The following HDC variants were observed in gnomAD, a reference collection of about 807,000 sequenced individuals.
HDC encodes histidine decarboxylase.
HDC carries 27 observed loss-of-function variants against 64.4 expected under a neutral mutation model. That is an observed-to-expected ratio of 0.42 (90% CI 0.31 to 0.58). HDC has a LOEUF of 0.58. HDC is among the 20% of genes least tolerant of loss of function. The pLI is 0.16. For missense variants in HDC, 711 were observed against 833.9 expected, an observed-to-expected ratio of 0.85 and a Z score of 1.81; for synonymous variants, 305 against 314.2, an observed-to-expected ratio of 0.97 and a Z score of 0.31.
intron 9 of HDC, among the ~76,000 whole-genome samples, chr15:50,250,065 A>G (rs2045534566): frequency 6.6e-6 from 1 of 152,132 alleles, no homozygotes. Flanking sequence ...CGCTCCCTCC[A>G]CTGGTGCTCT....
In HDC at chr15:50,242,132, G is replaced by C; in HGVS notation, c.*128C>G. On this transcript the variant is annotated 3_prime_UTR_variant, in exon 12 of 12. Transcript: ENST00000267845. Reference sequence around the variant, plus strand: ...GGGTCATGAACCCCTATGAGAATTTGATTAAAATTATGAACTCGCCCCAAG... The same window carrying C: ...GGGTCATGAACCCCTATGAGAATTTCATTAAAATTATGAACTCGCCCCAAG... 2 of 826,580 alleles carry C rather than the reference G, an allele frequency of 2.4e-6. No individual in the cohort carries two copies. Among genetic ancestry groups the C allele is most frequent in the South Asian group, 1.4e-5 (1 of 71,330 alleles). The allele number at this position is 826,580 out of a possible 1,614,324, so 51.2% of individuals were successfully genotyped here.
At position 50,265,541 on chromosome 15, in the gene HDC, G is replaced by T. The variant is rs854163; in HGVS notation, c.31+52C>A. The T allele has an allele frequency of 3.9e-6, 6 of 1,557,442 alleles. No individual in the cohort carries two copies. In the South Asian group the frequency reaches 5.6e-5, roughly 14 times the overall value. On this transcript the variant is annotated intron_variant, in intron 1 of 11. Transcript: ENST00000267845. ...ATCTAAGGGCCACCCACCAGCAGCC[G>T]TTCCTGCAGGAGTAGCAGCAGGGAA... is the stretch of plus-strand genomic sequence containing the variant.
At chr15:50,253,794 T>G in intron 6 of HDC, 128 bp from the exon 7 acceptor site, 1 of 785,916 alleles carries the variant, frequency 1.3e-6, no homozygotes, top group Non-Finnish European at 2.2e-6. Context: ...TATTTCAGAC[T>G]GTGTTTTACC....
intron 9 of HDC, among the ~76,000 whole-genome samples, chr15:50,251,756 T>A (rs2045557301): frequency 6.6e-6 from 1 of 151,172 alleles, no homozygotes; most frequent in Admixed American, 6.6e-5. Flanking sequence ...CGCTTGAACC[T>A]GGAAGGCGGA....
At chr15:50,250,112 G>T (rs1474660933) in intron 9 of HDC, among the ~76,000 whole-genome samples, 3 of 152,170 alleles carry the variant, frequency 2.0e-5, no homozygotes, top group Non-Finnish European at 2.9e-5. Context: ...GAGCTTCTCC[G>T]CTGTCAGAGA....
chr15:50,252,534 A>T lies in HDC; in HGVS notation c.951-14T>A, dbSNP rs1489608005. Reference sequence around the variant, plus strand: ...TTGTCCTTGACCCTGTGGGTTTCCAAATGGGCATTAGTGGCTGAGGTCTCT... The same window carrying T: ...TTGTCCTTGACCCTGTGGGTTTCCATATGGGCATTAGTGGCTGAGGTCTCT... On this transcript the variant is annotated splice_polypyrimidine_tract_variant and intron_variant, in intron 8 of 11. Coordinates refer to ENST00000267845, the MANE Select transcript of HDC (RefSeq NM_002112.4). The T allele has an allele frequency of 1.7e-5, 28 of 1,614,018 alleles. No individual in the cohort carries two copies. Among genetic ancestry groups the T allele is most frequent in the Non-Finnish European group, 2.4e-5 (28 of 1,180,008 alleles).
At chr15:50,253,716 A>T (rs770991983) in intron 6 of HDC, 50 bp from the exon 7 acceptor site, 67 of 1,468,766 alleles carry the variant, frequency 4.6e-5, no homozygotes, top group Non-Finnish European at 3.0e-5. Flanking sequence ...CTCGTGTGAC[A>T]CATTTGGCCT....
rs769628634 is a variant in HDC, at chr15:50,252,700, C to T, written c.862G>A (p.Gly288Arg). 17 of 1,614,108 alleles carry T rather than the reference C, an allele frequency of 1.1e-5. No homozygotes were observed. The South Asian group carries it at 1.9e-4, about 18-fold the overall frequency. ...GCATACTCAATCCCCTTCAGAAACC[C>T]CCGGAACTCGGGGCACAGGAAGGCA... is the stretch of plus-strand genomic sequence containing the variant. ...GTAFLCPEFR[G>R]FLKGIEYADS... Residue 288 changes from glycine to arginine, a missense_variant, in exon 8 of 12, where the codon GGG becomes AGG. Physicochemically the swap from Gly to Arg is moderately radical, Grantham distance 125. Around this residue, in one of 3 missense-constraint regions of HDC, gnomAD observed 483 missense variants for 540.9 expected, o/e 0.89. Coordinates refer to ENST00000267845, the MANE Select transcript of HDC (RefSeq NM_002112.4).
At chr15:50,243,450 T>A (rs757386178) in intron 10 of HDC, among the ~76,000 whole-genome samples, 1 of 152,228 alleles carries the variant, frequency 6.6e-6, no homozygotes, top group Admixed American at 6.5e-5. Flanking sequence ...TCCTGTCACA[T>A]GGGATCCACC....
At chr15:50,252,565 G>C (rs2045571309) in intron 8 of HDC, 45 bp from the exon 9 acceptor site, 1 of 1,614,022 alleles carries the variant, frequency 6.2e-7, no homozygotes, top group South Asian at 1.1e-5. Flanking sequence ...TCTCTCCAGA[G>C]GAGGCAAGGC....
chr15:50,245,692 T>C (rs1234457194), intron 10 of HDC, among the ~76,000 whole-genome samples: 13 of 152,044 alleles, frequency 8.6e-5, no homozygotes, highest in Non-Finnish European at 2.9e-5. Context: ...CCCAGGAGCG[T>C]GAGAACAACC....
In HDC at chr15:50,263,262, C is replaced by T. The variant is rs143453549; in HGVS notation, c.177G>A (p.Gly59=). 3.7e-5 allele frequency: 59 copies of T among 1,614,140 alleles called. No homozygotes were observed. In the African/African-American group the frequency reaches 6.3e-4, roughly 17 times the overall value. Residue 59 remains glycine, a synonymous_variant, in exon 2 of 12, where the codon GGG becomes GGA. Coordinates refer to ENST00000267845, the MANE Select transcript of HDC (RefSeq NM_002112.4). ...CAGGCATGATGATTCGTTCAATGTC[C>T]CCAAAGATGCTGTCCCAGCTGTCGG... ...EDPDSWDSIF[G]DIERIIMPGV... is the part of the protein sequence containing the mutation.
chr15:50,263,152 C>T (rs2045725717), intron 2 of HDC, 83 bp downstream of exon 2: 1 of 1,435,778 alleles, frequency 7.0e-7, no homozygotes, highest in Admixed American at 1.7e-5. Flanking sequence ...CCAAGCTGAC[C>T]CAAAGCAGGT....
intron 10 of HDC, 46 bp from the exon 11 acceptor site, chr15:50,243,290 G>C: frequency 2.4e-6 from 3 of 1,246,572 alleles, no homozygotes; most frequent in South Asian, 2.4e-5. Context: ...CATCAGACAA[G>C]AGACTATGCA....
At chr15:50,252,916 G>A (rs1349156862) in intron 7 of HDC, 142 bp from the exon 8 acceptor site, 3 of 778,406 alleles carry the variant, frequency 3.9e-6, no homozygotes, top group African/African-American at 1.7e-5. Context: ...GATGGGAGCA[G>A]GTGGAGTCAG....
chr15:50,263,673 G>A (rs1164127344), intron 1 of HDC, among the ~76,000 whole-genome samples: 10 of 152,180 alleles, frequency 6.6e-5, no homozygotes, highest in East Asian at 1.9e-4. Flanking sequence ...GGTGGCAGGC[G>A]CATGTAATCC....
intron 10 of HDC, among the ~76,000 whole-genome samples, chr15:50,246,838 A>G (rs1027728417): frequency 4.6e-5 from 7 of 152,228 alleles, no homozygotes; most frequent in African/African-American, 1.7e-4. Flanking sequence ...GCATTTCTAG[A>G]AACAGCACAA....
Position 50,265,673 on chromosome 15 carries a change from A to G in HDC, c.-50T>C, listed in dbSNP as rs1301842223. 1 of 1,568,496 alleles carries G rather than the reference A, an allele frequency of 6.4e-7. No individual in the cohort carries two copies. On this transcript the variant is annotated 5_prime_UTR_variant, in exon 1 of 12. Transcript: ENST00000267845. ...CACAGATGGACACGCAGGAGGTGGA[A>G]GGCGTGAAAGGCGTGGAGCAGCCCG...
chr15:50,246,591 G>A (rs754808056), intron 10 of HDC, among the ~76,000 whole-genome samples: 2 of 152,178 alleles, frequency 1.3e-5, no homozygotes, highest in Non-Finnish European at 2.9e-5. Context: ...GCTAAGGTAG[G>A]AGCTAATCGT....
Sources: allele counts gnomAD v4.1 joint callset (sites outside exome capture counted in the v4.1 genomes callset), GRCh38; gene constraint gnomAD v4.1.1; regional missense constraint gnomAD v4.1.1; transcripts MANE v1.5; gene names NCBI Gene and HGNC (gene_info 2026-07-23, HGNC 2026-07-21).